Variants in SDK1 observed in about 807,000 individuals in gnomAD.
SDK1 encodes protein sidekick-1.
SDK1 carries 157 observed loss-of-function variants against 245.5 expected under a neutral mutation model. The ratio of observed to expected loss-of-function variants is 0.64; its 90% confidence interval spans 0.56 to 0.73. SDK1 has a LOEUF of 0.73. Among genes scored for constraint, SDK1 ranks in the 30% least tolerant of loss-of-function variants. The pLI is 0.00. For synonymous variants in SDK1, 1,647 were observed against 1,278.5 expected, an observed-to-expected ratio of 1.29 and a Z score of -6.15; for missense variants, 3,583 against 3,002.3, an observed-to-expected ratio of 1.19 and a Z score of -4.52.
intron 5 of SDK1, among the ~76,000 whole-genome samples, chr7:3,927,378 G>A (rs1208398626): frequency 1.3e-5 from 2 of 151,942 alleles, no homozygotes; most frequent in Non-Finnish European, 2.9e-5. Flanking sequence ...AGCACCTACC[G>A]TGTGCTGGCT....
At position 3,971,484 on chromosome 7, in the gene SDK1, A is replaced by G. The variant is rs1562595304; in HGVS notation, c.1733A>G (p.His578Arg). 1.9e-6 allele frequency: 3 copies of G among 1,612,850 alleles called. No individual in the cohort carries two copies. Among genetic ancestry groups the G allele is most frequent in the Non-Finnish European group, 2.5e-6 (3 of 1,179,186 alleles). ...LTVWNRTSIV[H>R]PPEDHVVIKG... ...TTTTCAGATCGGACGTCCATCGTCC[A>G]CCCTCCTGAGGACCACGTGGTGATT... The change falls in exon 12 of 45, where the codon CAC becomes CGC. Residue 578 changes from histidine (H) to arginine (R), a missense_variant. Transcript: ENST00000404826.
In SDK1 at chr7:3,958,966, A is replaced by C; in HGVS notation, c.1186A>C (p.Ile396Leu). The C allele has an allele frequency of 1.2e-6, 2 of 1,613,994 alleles. No homozygotes were observed. Among genetic ancestry groups the C allele is most frequent in the Non-Finnish European group, 1.7e-6 (2 of 1,179,964 alleles). ...TTTTACTGCTGAGCCCGAGAGTCGG[A>C]TTTCAGCTGAAGTAGAAGAAACTGT... The part of the protein sequence containing the change: ...PYFTAEPESR[I>L]SAEVEETVDI... Residue 396 changes from isoleucine (I) to leucine (L), a missense_variant, in exon 8 of 45, where the codon ATT becomes CTT. Transcript: ENST00000404826.
chr7:3,334,879 C>CT (rs934778693), intron 1 of SDK1, among the ~76,000 whole-genome samples: 9 of 151,926 alleles, frequency 5.9e-5, no homozygotes, highest in Middle Eastern at 3.4e-3. Context: ...CTTGATTTTT[C>CT]TTTTTTTTCA....
At chr7:3,852,164 G>C (rs967533707) in intron 5 of SDK1, among the ~76,000 whole-genome samples, 6 of 151,432 alleles carry the variant, frequency 4.0e-5, no homozygotes, top group African/African-American at 1.5e-4. Context: ...TTGGACGAGA[G>C]TGTGGGTCTA....
chr7:3,315,762 A>C (rs959997948), intron 1 of SDK1, among the ~76,000 whole-genome samples: 1 of 152,162 alleles, frequency 6.6e-6, no homozygotes, highest in African/African-American at 2.4e-5. Flanking sequence ...GGATTTTAGG[A>C]AGAATATGGT....
At chr7:3,842,009 C>T (rs886393014) in intron 5 of SDK1, among the ~76,000 whole-genome samples, 2 of 152,224 alleles carry the variant, frequency 1.3e-5, no homozygotes, top group Non-Finnish European at 2.9e-5. Flanking sequence ...TCCTCCACCT[C>T]CATGGCTGTA....
chr7:3,698,863 C>G (rs1784655980), intron 4 of SDK1, among the ~76,000 whole-genome samples: 1 of 152,222 alleles, frequency 6.6e-6, no homozygotes. Flanking sequence ...TGTCCTATCT[C>G]TAAATGCCAT....
At chr7:3,593,228 A>G (rs190821280) in intron 1 of SDK1, among the ~76,000 whole-genome samples, 131 of 152,262 alleles carry the variant, frequency 8.6e-4, no homozygotes, top group South Asian at 2.9e-3. Context: ...GCACCTCTGG[A>G]CTTTTGAAAA....
At chr7:3,453,704 C>T (rs1355901340) in intron 1 of SDK1, among the ~76,000 whole-genome samples, 1 of 152,112 alleles carries the variant, frequency 6.6e-6, no homozygotes. Flanking sequence ...CACAGTCTCT[C>T]CACTCACTGG....
At chr7:3,528,246 T>C (rs1335334406) in intron 1 of SDK1, among the ~76,000 whole-genome samples, 3 of 40,196 alleles carry the variant, frequency 7.5e-5, no homozygotes, top group African/African-American at 2.0e-4. Flanking sequence ...TTGGATGATA[T>C]TCAGCTAGGG....
chr7:3,603,036 TC>T (rs1388165444), intron 1 of SDK1, among the ~76,000 whole-genome samples: 5 of 152,152 alleles, frequency 3.3e-5, no homozygotes, highest in Admixed American at 6.5e-5. Flanking sequence ...GTTCCATTGA[TC>T]TATATCTCTG....
Position 3,984,611 on chromosome 7 carries a change from GTT to G in SDK1, c.1995-2572_1995-2571del, listed in dbSNP as rs1447090913. Among the ~76,000 whole-genome samples, 3 of 152,232 alleles carry G rather than the reference GTT, an allele frequency of 2.0e-5. No individual in the cohort carries two copies. The East Asian group carries it at 5.8e-4, about 29-fold the overall frequency. On this transcript the variant is annotated intron_variant, in intron 13 of 44. Transcript: ENST00000404826. ...ATGGTCACCTGGCCCGAGAATGTCT[GTT>G]TTGCAAGGTTTGTCCTGAGCTGGCT... is the stretch of plus-strand genomic sequence containing the variant.
intron 1 of SDK1, among the ~76,000 whole-genome samples, chr7:3,336,207 C>T (rs778293016): frequency 1.3e-5 from 2 of 152,168 alleles, no homozygotes; most frequent in Non-Finnish European, 2.9e-5. Flanking sequence ...TCCCAGGCTT[C>T]GAGAGCAGGC....
intron 5 of SDK1, among the ~76,000 whole-genome samples, chr7:3,826,831 T>C (rs888125486): frequency 6.6e-6 from 1 of 152,158 alleles, no homozygotes; most frequent in Non-Finnish European, 1.5e-5. Context: ...AAACATAAGT[T>C]AAAATACTAG....
Position 4,042,566 on chromosome 7 carries a change from C to T in SDK1, c.2603-6782C>T, listed in dbSNP as rs557614583. The stretch of plus-strand genomic sequence containing the variant: ...CCAGAAAGGAGCATAACACCTGTCA[C>T]GTTACCAGCCTGCCTCCAGGCCTGC... On this transcript the variant is annotated intron_variant, in intron 17 of 44. Coordinates refer to ENST00000404826, the MANE Select transcript of SDK1 (RefSeq NM_152744.4). Among the ~76,000 whole-genome samples, 7 of 137,892 alleles carry T rather than the reference C, an allele frequency of 5.1e-5. 2 individuals are homozygous for T. The highest frequency in any genetic ancestry group is 1.6e-4 in the African/African-American group (5 of 30,692). 90.5% of individuals were successfully genotyped at this position (137,892 alleles called of 152,430 possible). A position where few individuals can be genotyped will look rare whatever the true frequency, so the allele number is the denominator to read the frequency against.
intron 19 of SDK1, among the ~76,000 whole-genome samples, chr7:4,066,628 C>T (rs1440829068): frequency 6.6e-6 from 1 of 152,176 alleles, no homozygotes; most frequent in Non-Finnish European, 1.5e-5. Context: ...GCCAGGCATC[C>T]TCTCCTCCCT....
intron 35 of SDK1, among the ~76,000 whole-genome samples, chr7:4,201,087 T>C (rs1477109006): frequency 2.0e-5 from 3 of 152,252 alleles, no homozygotes; most frequent in Non-Finnish European, 4.4e-5. Flanking sequence ...CCTAGGGCTA[T>C]GCACTTGCCC....
chr7:4,169,224 T>C (rs971744714), intron 32 of SDK1, among the ~76,000 whole-genome samples: 1 of 152,218 alleles, frequency 6.6e-6, no homozygotes, highest in African/African-American at 2.4e-5. Flanking sequence ...AGCCCATCCA[T>C]GGCTCCGGTG....
chr7:4,166,619 A>G (rs1423645466), intron 32 of SDK1, among the ~76,000 whole-genome samples: 2 of 152,174 alleles, frequency 1.3e-5, no homozygotes, highest in African/African-American at 4.8e-5. Flanking sequence ...CTCCGGAGAG[A>G]ATCCCTGTTC....
Sources: gnomAD v4.1 joint callset for allele counts (sites outside exome capture counted in the v4.1 genomes callset) on GRCh38, gnomAD v4.1.1 for gene constraint, MANE v1.5 for transcripts, NCBI Gene and HGNC (gene_info 2026-07-23, HGNC 2026-07-21) for gene names.